GULP1: variants seen among roughly 807,000 people sequenced by gnomAD.
GULP1 encodes the protein GULP PTB domain containing engulfment adaptor 1, also known as PTB domain-containing engulfment adapter protein 1.
A neutral mutation model predicts 40.9 loss-of-function variants in GULP1; 19 were observed. The ratio of observed to expected loss-of-function variants is 0.46; its 90% CI spans 0.32 to 0.68. The LOEUF (loss-of-function observed/expected upper bound fraction) is 0.68, where lower values mean the gene tolerates loss of function less well. Among genes scored for constraint, GULP1 ranks in the 30% least tolerant of loss-of-function variants. The probability of loss-of-function intolerance (pLI) is 0.03; values close to 1 mark genes in which losing one functional copy is unlikely to be tolerated. For missense variants in GULP1, 312 were observed against 362.2 expected (o/e 0.86, Z 1.12); for synonymous variants, 119 against 117.6 (o/e 1.01, Z -0.08).
At position 188,480,514 on chromosome 2, in the gene GULP1, C is replaced by T. The variant is rs567943363; in HGVS notation, c.28+2784C>T. 4.6e-5 allele frequency among the ~76,000 whole-genome samples: 7 copies of T among 151,852 alleles called. No individual in the cohort carries two copies. The Middle Eastern group carries it at 0.01, about 223-fold the overall frequency. The stretch of plus-strand genomic sequence containing the variant: ...AGTTTGTATTTCTTGATTGAATTCA[C>T]TGATTTTCTTTGCAGATGCTCTAAT... On this transcript the variant is annotated intron_variant, in intron 3 of 11. Coordinates refer to ENST00000409830, the MANE Select transcript of GULP1 (RefSeq NM_016315.4).
chr2:188,464,008 T>C (rs1231389308), intron 2 of GULP1, among the ~76,000 whole-genome samples: 2 of 152,330 alleles, frequency 1.3e-5, no homozygotes, highest in South Asian at 4.1e-4. Context: ...TCCAGGATTG[T>C]TCCCTGATGT....
intron 2 of GULP1, among the ~76,000 whole-genome samples, chr2:188,445,457 T>A (rs2058305511): frequency 1.3e-5 from 2 of 152,192 alleles, no homozygotes; most frequent in South Asian, 4.1e-4. Flanking sequence ...ATATACTAAG[T>A]GCTCTAGCAA....
chr2:188,371,945 C>A (rs542670500), intron 1 of GULP1, among the ~76,000 whole-genome samples: 26 of 152,104 alleles, frequency 1.7e-4, no homozygotes, highest in Admixed American at 1.5e-3. Flanking sequence ...TACTACTGAA[C>A]GAGCTTTCAG....
Position 188,475,151 on chromosome 2 carries a change from C to T in GULP1, c.-44-2508C>T, listed in dbSNP as rs2060906228. ...CATACTTTCTGGTGGAGTTGTAAGA[C>T]GTGTTTTACAAAAAAAGTGTAGAGT... On this transcript the variant is annotated intron_variant, in intron 2 of 11. Coordinates refer to ENST00000409830, the MANE Select transcript of GULP1 (RefSeq NM_016315.4). Among the ~76,000 whole-genome samples, 4 of 151,990 alleles carry T rather than the reference C, an allele frequency of 2.6e-5. No homozygotes were observed. In the South Asian group the frequency reaches 6.2e-4, roughly 24 times the overall value.
intron 2 of GULP1, among the ~76,000 whole-genome samples, chr2:188,413,521 T>A (rs1400412218): frequency 6.6e-6 from 1 of 152,220 alleles, no homozygotes; most frequent in Non-Finnish European, 1.5e-5. Context: ...CTTTGCCCAC[T>A]TTTTGATGGG....
At chr2:188,294,691 G>A (rs1315718739) in intron 1 of GULP1, among the ~76,000 whole-genome samples, 1 of 152,260 alleles carries the variant, frequency 6.6e-6, no homozygotes, top group East Asian at 1.9e-4. Context: ...CTCACTTTGT[G>A]AATCACCCTC....
rs561395424 is a variant in GULP1 at position 188,515,274 on chromosome 2, A to G, written c.91-7482A>G. Among the ~76,000 whole-genome samples, 59 of 152,140 alleles carry G rather than the reference A, an allele frequency of 3.9e-4. 1 individual carries two copies. The highest frequency in any genetic ancestry group is 1.3e-3 in the African/African-American group (54 of 41,518). On this transcript the variant is annotated intron_variant, in intron 4 of 11. Coordinates refer to ENST00000409830, the MANE Select transcript of GULP1 (RefSeq NM_016315.4). ...CCCCCTGCCATTTCCTTGAACACTCATCTTATTCCCCTTTGCAGCATTATT... is the reference window on the plus strand; with the variant it reads ...CCCCCTGCCATTTCCTTGAACACTCGTCTTATTCCCCTTTGCAGCATTATT...
Position 188,595,099 on chromosome 2 carries a change from T to G in GULP1, c.*1088T>G, listed in dbSNP as rs368325125. On this transcript the variant is annotated 3_prime_UTR_variant, in exon 12 of 12. Transcript: ENST00000409830. ...AACCCAGTTACTGCTCAGTTTAGTC[T>G]TGAACATGAGCAATAAAATTCTCTT... 2.0e-5 allele frequency: 3 copies of G among 151,624 alleles called. No homozygotes were observed. The highest frequency in any genetic ancestry group is 2.1e-4 in the South Asian group (1 of 4,816). The allele number at this position is 151,624 out of a possible 1,614,324, so 9.4% of individuals were successfully genotyped here.
At chr2:188,524,160 A>G (rs1346469014) in intron 5 of GULP1, among the ~76,000 whole-genome samples, 2 of 152,220 alleles carry the variant, frequency 1.3e-5, no homozygotes, top group Non-Finnish European at 2.9e-5. Context: ...TTATTTACAC[A>G]TAGTATTTCT....
At chr2:188,572,826 G>A (rs760719794) in intron 9 of GULP1, among the ~76,000 whole-genome samples, 1 of 152,146 alleles carries the variant, frequency 6.6e-6, no homozygotes. Context: ...TAGAAGCAGA[G>A]AGTAGACTAG....
chr2:188,510,332 A>G (rs1177235608), intron 4 of GULP1, among the ~76,000 whole-genome samples: 1 of 152,132 alleles, frequency 6.6e-6, no homozygotes, highest in East Asian at 1.9e-4. Flanking sequence ...GTTGCACAAC[A>G]TTGCTTTTTA....
At chr2:188,462,686 C>T (rs2059806604) in intron 2 of GULP1, among the ~76,000 whole-genome samples, 1 of 151,984 alleles carries the variant, frequency 6.6e-6, no homozygotes, top group Admixed American at 6.6e-5. Context: ...TTTGTCTTTT[C>T]TTACAGTTTC....
chr2:188,469,429 C>G (rs907815605), intron 2 of GULP1, among the ~76,000 whole-genome samples: 2 of 152,140 alleles, frequency 1.3e-5, no homozygotes, highest in Admixed American at 6.5e-5. Context: ...ATACCTGAAA[C>G]TGGGTAAATT....
At chr2:188,308,226 T>C (rs182116294) in intron 1 of GULP1, among the ~76,000 whole-genome samples, 28 of 152,298 alleles carry the variant, frequency 1.8e-4, no homozygotes, top group African/African-American at 5.5e-4. Flanking sequence ...AGCACAGTCA[T>C]TAAAGTAACT....
chr2:188,432,919 T>C (rs1278416613), intron 2 of GULP1, among the ~76,000 whole-genome samples: 3 of 152,066 alleles, frequency 2.0e-5, no homozygotes, highest in African/African-American at 7.2e-5. Flanking sequence ...ATCATATTGC[T>C]TTTACTTCAG....
chr2:188,357,682 C>T (rs1176437494), intron 1 of GULP1, among the ~76,000 whole-genome samples: 1 of 152,058 alleles, frequency 6.6e-6, no homozygotes, highest in Non-Finnish European at 1.5e-5. Flanking sequence ...GTATGATCAG[C>T]AGTCTCACTA....
intron 2 of GULP1, among the ~76,000 whole-genome samples, chr2:188,461,224 T>C (rs191938591): frequency 3.3e-5 from 5 of 152,118 alleles, no homozygotes; most frequent in Non-Finnish European, 7.3e-5. Flanking sequence ...ATAGTTTAAA[T>C]AGTTTGAGTA....
At chr2:188,550,226 T>G (rs1036071755) in intron 7 of GULP1, among the ~76,000 whole-genome samples, 3 of 151,690 alleles carry the variant, frequency 2.0e-5, no homozygotes, top group African/African-American at 4.8e-5. Flanking sequence ...TTTTGTCTTA[T>G]TTTAAGTAAA....
intron 7 of GULP1, among the ~76,000 whole-genome samples, chr2:188,565,955 T>C (rs563755489): frequency 1.3e-5 from 2 of 152,236 alleles, no homozygotes; most frequent in African/African-American, 4.8e-5. Context: ...TTTATAGATA[T>C]CAAGGACAGG....
Sources: allele counts gnomAD v4.1 joint callset (sites outside exome capture counted in the v4.1 genomes callset), GRCh38; gene constraint gnomAD v4.1.1; transcripts MANE v1.5; gene names NCBI Gene and HGNC (gene_info 2026-07-23, HGNC 2026-07-21).